UTRN: variants seen among roughly 807,000 people sequenced by gnomAD.
UTRN encodes the protein dystrophin-related protein 1.
A neutral mutation model predicts 463.9 loss-of-function variants in UTRN; 283 were observed. The ratio of observed to expected loss-of-function variants is 0.61; its 90% CI spans 0.55 to 0.67. UTRN has a LOEUF of 0.67. Among genes scored for constraint, UTRN ranks in the 30% least tolerant of loss-of-function variants. The pLI is 0.00. For synonymous variants in UTRN, 1,442 were observed against 1,431.5 expected, an observed-to-expected ratio of 1.01 and a Z score of -0.17; for missense variants, 3,922 against 4,084.3, an observed-to-expected ratio of 0.96 and a Z score of 1.08.
At chr6:144,753,382 A>T (rs1791609816) in intron 56 of UTRN, among the ~76,000 whole-genome samples, 1 of 152,156 alleles carries the variant, frequency 6.6e-6, no homozygotes, top group African/African-American at 2.4e-5. Flanking sequence ...TGTGAGGCTG[A>T]GGTGAGAGGG....
At chr6:144,331,445 C>T (rs1325232407) in intron 2 of UTRN, among the ~76,000 whole-genome samples, 3 of 151,956 alleles carry the variant, frequency 2.0e-5, no homozygotes, top group South Asian at 2.1e-4. Flanking sequence ...AAAGATTTAC[C>T]GAAAAGTGTC....
intron 48 of UTRN, 60 bp downstream of exon 48, chr6:144,551,142 C>CAG (rs1469333409): frequency 7.2e-6 from 5 of 698,368 alleles, no homozygotes; most frequent in Non-Finnish European, 1.1e-5. Flanking sequence ...TGGTGACACA[C>CAG]ACACACACAC....
chr6:144,693,241 A>G (rs1026845634), intron 52 of UTRN, among the ~76,000 whole-genome samples: 1 of 152,060 alleles, frequency 6.6e-6, no homozygotes, highest in Non-Finnish European at 1.5e-5. Flanking sequence ...GTTCTGTTCC[A>G]TTGGTCTATG....
At chr6:144,762,294 T>G (rs147719604) in intron 58 of UTRN, among the ~76,000 whole-genome samples, 179 of 152,308 alleles carry the variant, frequency 1.2e-3, no homozygotes, top group African/African-American at 4.1e-3. Flanking sequence ...CCAATATTAG[T>G]TGAGTCAGAG....
intron 58 of UTRN, among the ~76,000 whole-genome samples, chr6:144,763,911 A>G (rs1228040350): frequency 6.6e-6 from 1 of 152,100 alleles, no homozygotes; most frequent in Non-Finnish European, 1.5e-5. Flanking sequence ...AAGATGAGGG[A>G]TGGTATCTTT....
chr6:144,666,410 TG>T, intron 51 of UTRN, among the ~76,000 whole-genome samples: 1 of 152,322 alleles, frequency 6.6e-6, no homozygotes, highest in South Asian at 2.1e-4. Flanking sequence ...TTCAATTGTT[TG>T]GTTTTCTCCT....
intron 51 of UTRN, among the ~76,000 whole-genome samples, chr6:144,577,839 A>G (rs1801587458): frequency 6.6e-6 from 1 of 152,212 alleles, no homozygotes; most frequent in Non-Finnish European, 1.5e-5. Flanking sequence ...AAGGAATCTT[A>G]TGAAATACGT....
intron 58 of UTRN, among the ~76,000 whole-genome samples, chr6:144,760,419 T>C (rs1430309234): frequency 6.6e-6 from 1 of 152,206 alleles, no homozygotes; most frequent in African/African-American, 2.4e-5. Flanking sequence ...ATCAGATTGT[T>C]TAAAATATAT....
intron 51 of UTRN, among the ~76,000 whole-genome samples, chr6:144,623,267 AAT>A (rs1418309304): frequency 2.0e-5 from 3 of 152,220 alleles, no homozygotes; most frequent in Non-Finnish European, 4.4e-5. Context: ...ATCAATCAGA[AAT>A]ATTAGTGATG....
intron 50 of UTRN, among the ~76,000 whole-genome samples, chr6:144,561,406 G>GTA (rs1362694196): frequency 3.3e-5 from 5 of 151,060 alleles, no homozygotes; most frequent in Non-Finnish European, 5.9e-5. Flanking sequence ...ATACAGGTAT[G>GTA]TATATATATG....
rs188792812 is a variant in UTRN, at chr6:144,310,275, G to T, written c.79+18368G>T. The stretch of plus-strand genomic sequence containing the variant: ...AATTGGTCTGGGTGCAGTGGCTCAT[G>T]CCTGTAATCCCAGCACTTTGGGAGG... On this transcript the variant is annotated intron_variant, in intron 2 of 74. Transcript: ENST00000367545. Among the ~76,000 whole-genome samples the T allele has an allele frequency of 2.6e-3, 389 of 152,074 alleles. 6 individuals carry two copies. The highest frequency in any genetic ancestry group is 5.4e-4 in the Non-Finnish European group (37 of 68,030).
At chr6:144,366,842 T>C (rs1779550608) in intron 2 of UTRN, among the ~76,000 whole-genome samples, 1 of 152,228 alleles carries the variant, frequency 6.6e-6, no homozygotes, top group South Asian at 2.1e-4. Flanking sequence ...TTCACAATGG[T>C]TGGACTAATT....
chr6:144,583,946 T>C (rs1802218645), intron 51 of UTRN, among the ~76,000 whole-genome samples: 1 of 152,216 alleles, frequency 6.6e-6, no homozygotes, highest in Admixed American at 6.5e-5. Context: ...ATTAATCTTA[T>C]GTAAATTTTA....
At chr6:144,575,318 A>C (rs1801332674) in intron 50 of UTRN, among the ~76,000 whole-genome samples, 1 of 152,218 alleles carries the variant, frequency 6.6e-6, no homozygotes, top group Non-Finnish European at 1.5e-5. Context: ...CCCAGCACCC[A>C]AAAATAACTG....
chr6:144,808,463 A>G (rs370274958), intron 65 of UTRN, among the ~76,000 whole-genome samples: 1 of 152,144 alleles, frequency 6.6e-6, no homozygotes, highest in African/African-American at 2.4e-5. Flanking sequence ...TGTTGTAAGT[A>G]ACCAAAATTT....
intron 69 of UTRN, among the ~76,000 whole-genome samples, chr6:144,830,895 C>A (rs976920235): frequency 1.3e-5 from 2 of 152,090 alleles, no homozygotes; most frequent in Non-Finnish European, 2.9e-5. Flanking sequence ...TATCTTTTCC[C>A]AGTTCCACAT....
chr6:144,670,603 A>G (rs758164921), intron 51 of UTRN, among the ~76,000 whole-genome samples: 2 of 151,320 alleles, frequency 1.3e-5, no homozygotes, highest in South Asian at 2.1e-4. Context: ...TCCTCTTCTG[A>G]TTGTTTCTTT....
chr6:144,592,480 C>T (rs1238758535), intron 51 of UTRN, among the ~76,000 whole-genome samples: 1 of 152,102 alleles, frequency 6.6e-6, no homozygotes, highest in Non-Finnish European at 1.5e-5. Context: ...AAGTGATTCT[C>T]CTGCCTCAGT....
At chr6:144,620,041 T>C (rs1431944429) in intron 51 of UTRN, among the ~76,000 whole-genome samples, 1 of 152,194 alleles carries the variant, frequency 6.6e-6, no homozygotes, top group Non-Finnish European at 1.5e-5. Context: ...TCTCTCTTTA[T>C]CTTTTTTGTT....
Sources: allele counts gnomAD v4.1 joint callset (sites outside exome capture counted in the v4.1 genomes callset), GRCh38; gene constraint gnomAD v4.1.1; transcripts MANE v1.5; gene names NCBI Gene and HGNC (gene_info 2026-07-23, HGNC 2026-07-21).